NOS2: variants seen among roughly 807,000 people sequenced by gnomAD.
NOS2 encodes nitric oxide synthase, inducible.
In NOS2, 96 loss-of-function variants were observed where a neutral mutation model predicts 136.0. That is an observed-to-expected ratio of 0.71 (90% CI 0.60 to 0.84). NOS2 has a LOEUF of 0.84. Ranked by LOEUF, NOS2 falls within the 40% of genes least tolerant of loss-of-function variation. The pLI, the probability that NOS2 is intolerant of heterozygous loss-of-function variation, is 0.00. For missense variants in NOS2, 1,237 were observed against 1,496.9 expected (o/e 0.83, Z 2.87); for synonymous variants, 539 against 587.5 (o/e 0.92, Z 1.20).
chr17:27,768,566 C>T (rs1908386776), intron 17 of NOS2, among the ~76,000 whole-genome samples: 1 of 152,208 alleles, frequency 6.6e-6, no homozygotes, highest in African/African-American at 2.4e-5. Flanking sequence ...GCAATCACAG[C>T]AATAAAGAGC....
Position 27,778,960 on chromosome 17 carries a change from G to A in NOS2, c.1101C>T (p.Cys367=), listed in dbSNP as rs200682910. ...LEVGGLEFPG[C]PFNGWYMGTE... Reference sequence around the variant, plus strand: ...TGCCCATGTACCAGCCATTGAAGGGGCACCCTGGGAACTCCAGGCCGCCCA... The same window carrying A: ...TGCCCATGTACCAGCCATTGAAGGGACACCCTGGGAACTCCAGGCCGCCCA... Residue 367 remains cysteine (C), a synonymous_variant, in exon 10 of 27, where the codon TGC becomes TGT. Coordinates refer to ENST00000313735, the MANE Select transcript of NOS2 (RefSeq NM_000625.4). 6.2e-6 allele frequency: 10 copies of A among 1,612,890 alleles called. No individual in the cohort carries two copies. Among genetic ancestry groups the A allele is most frequent in the Non-Finnish European group, 8.5e-6 (10 of 1,179,144 alleles).
chr17:27,771,443 C>T (rs574772830), intron 14 of NOS2, among the ~76,000 whole-genome samples: 2 of 152,356 alleles, frequency 1.3e-5, no homozygotes, highest in East Asian at 1.9e-4. Flanking sequence ...GCCCACCCAG[C>T]GGAGGATGGG....
chr17:27,759,220 C>T, intron 25 of NOS2, 145 bp from the exon 26 acceptor site: 1 of 566,706 alleles, frequency 1.8e-6, no homozygotes, highest in African/African-American at 2.0e-5. Context: ...TGCAAGGGGC[C>T]AGGCTCAGGA....
chr17:27,778,993 C>T lies in NOS2; in HGVS notation c.1068G>A (p.Leu356=). The T allele has an allele frequency of 6.2e-7, 1 of 1,612,312 alleles. No homozygotes were observed. Among genetic ancestry groups the T allele is most frequent in the Non-Finnish European group, 8.5e-7 (1 of 1,178,738 alleles). Residue 356 remains leucine (L), a synonymous_variant, in exon 10 of 27, where the codon CTG becomes CTA. Coordinates refer to ENST00000313735, the MANE Select transcript of NOS2 (RefSeq NM_000625.4). Reference sequence around the variant, plus strand: ...GGAACTCCAGGCCGCCCACCTCAAGCAGCATGTTGGCCACTGCAGGCAGGG... The same window carrying T: ...GGAACTCCAGGCCGCCCACCTCAAGTAGCATGTTGGCCACTGCAGGCAGGG... ...WYALPAVANM[L]LEVGGLEFPG... is the part of the protein sequence containing the mutation.
intron 12 of NOS2, 81 bp from the exon 13 acceptor site, chr17:27,773,324 C>A: frequency 1.1e-6 from 1 of 904,814 alleles, no homozygotes; most frequent in East Asian, 2.5e-5. Context: ...GGTAGAGGAC[C>A]CTTCACACCC....
intron 20 of NOS2, among the ~76,000 whole-genome samples, chr17:27,764,933 T>G (rs2151325949): frequency 6.6e-6 from 1 of 152,322 alleles, no homozygotes; most frequent in East Asian, 1.9e-4. Flanking sequence ...TTCTCTCACT[T>G]TCTCCTGGAC....
At chr17:27,798,940 T>C in intron 1 of NOS2, 58 bp from the exon 2 acceptor site, 2 of 656,790 alleles carry the variant, frequency 3.0e-6, no homozygotes, top group Non-Finnish European at 5.5e-6. Context: ...GAACAGGGCT[T>C]CTCAGTGGGG....
At chr17:27,774,230 G>A (rs1400018898) in intron 12 of NOS2, 27 bp downstream of exon 12, 1 of 1,427,998 alleles carries the variant, frequency 7.0e-7, no homozygotes, top group Non-Finnish European at 9.2e-7. Context: ...GAGCCCCCAG[G>A]AAGGAGAGAA....
rs141379223 is a variant in NOS2 at position 27,781,086 on chromosome 17, T to A, written c.814A>T (p.Met272Leu). 1.0e-4 allele frequency: 163 copies of A among 1,613,832 alleles called. No homozygotes were observed. In the African/African-American group the frequency reaches 2.1e-3, roughly 20 times the overall value. The stretch of plus-strand genomic sequence containing the variant: ...TCCCCTCTGATGCTGCCATCTGGCA[T>A]CTGGTAGCCAGCATAGCGGATGAGC... ...AQLIRYAGYQ[M>L]PDGSIRGDPA... is the part of the protein sequence containing the mutation. Residue 272 changes from methionine to leucine, a missense_variant, in exon 8 of 27, where the codon ATG (methionine) becomes TTG (leucine). Transcript: ENST00000313735.
chr17:27,774,192 A>G (rs2151329145), intron 12 of NOS2, 65 bp downstream of exon 12: 2 of 1,174,320 alleles, frequency 1.7e-6, no homozygotes, highest in South Asian at 4.8e-5. Flanking sequence ...TGAGGTGCAC[A>G]CACACACACA....
intron 5 of NOS2, 82 bp from the exon 6 acceptor site, chr17:27,783,188 T>TGAAATAGGACATCA (rs1908908567): frequency 6.7e-7 from 1 of 1,482,600 alleles, no homozygotes; most frequent in Non-Finnish European, 9.3e-7. Context: ...AAGCAGGAAC[T>TGAAATAGGACATCA]GAAATAGGAC....
At chr17:27,761,670 C>T (rs563662307) in intron 22 of NOS2, among the ~76,000 whole-genome samples, 1 of 152,262 alleles carries the variant, frequency 6.6e-6, no homozygotes, top group South Asian at 2.1e-4. Context: ...TGCTCATGAG[C>T]GTGGCCCTTG....
chr17:27,761,362 G>A (rs1253474624), intron 22 of NOS2, 131 bp from the exon 23 acceptor site: 22 of 681,264 alleles, frequency 3.2e-5, no homozygotes, highest in Non-Finnish European at 5.3e-5. Flanking sequence ...ATGAGCAGCT[G>A]TTTGTCCTCC....
intron 2 of NOS2, among the ~76,000 whole-genome samples, chr17:27,792,815 CAAAAAAAAAAA>C (rs34992777): frequency 1.9e-5 from 1 of 52,512 alleles, no homozygotes; most frequent in East Asian, 7.9e-4. Context: ...CCTATCTCTA[CAAAAAAAAAAA>C]AAAAAAAAAA....
intron 11 of NOS2, among the ~76,000 whole-genome samples, chr17:27,778,233 T>C (rs995231015): frequency 5.3e-5 from 8 of 151,898 alleles, no homozygotes; most frequent in Non-Finnish European, 7.4e-5. Context: ...TCTTGCTCTG[T>C]CGCCCAGCCA....
At chr17:27,796,926 C>G (rs1909371849) in intron 2 of NOS2, among the ~76,000 whole-genome samples, 1 of 152,154 alleles carries the variant, frequency 6.6e-6, no homozygotes, top group Non-Finnish European at 1.5e-5. Flanking sequence ...TTTCAAAGTC[C>G]TCTCCTCCAA....
intron 14 of NOS2, among the ~76,000 whole-genome samples, chr17:27,771,299 C>T (rs1597548692): frequency 6.6e-6 from 1 of 152,366 alleles, no homozygotes; most frequent in South Asian, 2.1e-4. Context: ...GTCTAAATGC[C>T]TCTCACCATG....
Position 27,756,850 on chromosome 17 carries a change from C to T in NOS2, c.*396G>A, listed in dbSNP as rs199675913. 1.6e-4 allele frequency: 29 copies of T among 179,996 alleles called. No individual in the cohort carries two copies. The South Asian group carries it at 5.3e-3, about 33-fold the overall frequency. 11.1% of individuals were successfully genotyped at this position (179,996 alleles called of 1,614,324 possible). On this transcript the variant is annotated 3_prime_UTR_variant, in exon 27 of 27. Transcript: ENST00000313735. ...GACCCAAGTGGCCATGGGGAACAGACTGGGTGTTAGTTTTTTAAATACAGA... is the reference window on the plus strand; with the variant it reads ...GACCCAAGTGGCCATGGGGAACAGATTGGGTGTTAGTTTTTTAAATACAGA...
chr17:27,780,827 T>C lies in NOS2; in HGVS notation c.944A>G (p.Asp315Gly). 1 of 1,614,182 alleles carries C rather than the reference T, an allele frequency of 6.2e-7. No individual in the cohort carries two copies. Among genetic ancestry groups the C allele is most frequent in the Non-Finnish European group, 8.5e-7 (1 of 1,180,036 alleles). The change falls in exon 9 of 27, where the codon GAC becomes GGC. Residue 315 changes from aspartate (D) to glycine (G), a missense_variant. Physicochemically the swap from Asp to Gly is moderately conservative, Grantham distance 94. Around this residue, in one of 3 missense-constraint regions of NOS2, gnomAD observed 440 missense variants for 545.4 expected, o/e 0.81. Coordinates refer to ENST00000313735, the MANE Select transcript of NOS2 (RefSeq NM_000625.4). ...VPLVLQANGR[D>G]PELFEIPPDL... ...AGGTGGGATTTCGAAGAGCTCAGGG[T>C]CACGGCCATTGGCCTGCAGGACCAG...
Sources: gnomAD v4.1 joint callset for allele counts (sites outside exome capture counted in the v4.1 genomes callset) on GRCh38, gnomAD v4.1.1 for gene constraint, gnomAD v4.1.1 regional missense constraint, MANE v1.5 for transcripts, NCBI Gene and HGNC (gene_info 2026-07-23, HGNC 2026-07-21) for gene names.